Variants in TMEM143 observed in about 807,000 individuals in gnomAD.
TMEM143 encodes the protein transmembrane protein 143.
TMEM143 carries 45 observed loss-of-function variants against 40.3 expected under a neutral mutation model. The ratio of observed to expected loss-of-function variants is 1.12; its 90% CI spans 0.88 to 1.43. The LOEUF (loss-of-function observed/expected upper bound fraction) is 1.43, where lower values mean the gene tolerates loss of function less well. Ranked by LOEUF, TMEM143 falls within the 40% of genes most tolerant of loss-of-function variation. The pLI, the probability that TMEM143 is intolerant of heterozygous loss-of-function variation, is 0.00. For missense variants in TMEM143, 620 were observed against 613.4 expected (o/e 1.01, Z -0.11); for synonymous variants, 299 against 282.7 (o/e 1.06, Z -0.58).
At chr19:48,358,511 C>G (rs1258314144) in intron 3 of TMEM143, among the ~76,000 whole-genome samples, 1 of 152,132 alleles carries the variant, frequency 6.6e-6, no homozygotes, top group East Asian at 1.9e-4. Context: ...CGGTCTCCCC[C>G]ATCCCAGTAA....
intron 2 of TMEM143, among the ~76,000 whole-genome samples, chr19:48,362,338 G>A (rs1970060718): frequency 6.6e-6 from 1 of 152,012 alleles, no homozygotes; most frequent in Non-Finnish European, 1.5e-5. Context: ...CCAGGAGTTC[G>A]AGACCAGCCT....
intron 3 of TMEM143, among the ~76,000 whole-genome samples, chr19:48,346,816 G>A (rs1011198078): frequency 1.3e-5 from 2 of 152,064 alleles, no homozygotes; most frequent in Admixed American, 6.6e-5. Context: ...GACCTCAAGC[G>A]ATCCCCCCAC....
intron 5 of TMEM143, 34 bp from the exon 6 acceptor site, chr19:48,342,843 G>A (rs761932730): frequency 1.5e-5 from 23 of 1,563,894 alleles, no homozygotes; most frequent in African/African-American, 2.7e-5. Flanking sequence ...GAGCAGGATC[G>A]GGACTGCACT....
chr19:48,342,990 C>T (rs573621067), intron 5 of TMEM143, 181 bp from the exon 6 acceptor site: 653 of 765,118 alleles, frequency 8.5e-4, no homozygotes, highest in East Asian at 5.8e-3. Flanking sequence ...GGTTCAATCG[C>T]GCCATCGATC....
intron 6 of TMEM143, among the ~76,000 whole-genome samples, chr19:48,334,412 TTCTC>T (rs977142026): frequency 1.7e-4 from 19 of 110,846 alleles, no homozygotes; most frequent in African/African-American, 2.8e-4. Flanking sequence ...TTCTTTCTTT[TTCTC>T]TCTTTCTTTC....
rs1225447619 is a variant in TMEM143 at position 48,334,622 on chromosome 19, C to T, written c.976-425G>A. On this transcript the variant is annotated intron_variant, in intron 6 of 7. Transcript: ENST00000293261. ...TTTTCGACAGGGTCTCGCCCTGTAG[C>T]CCAGTCTGGAGTTCAGTGGCTATTC... is the stretch of plus-strand genomic sequence containing the variant. Among the ~76,000 whole-genome samples the T allele has an allele frequency of 2.7e-5, 4 of 146,084 alleles. No individual in the cohort carries two copies. In the Admixed American group the frequency reaches 2.8e-4, roughly 10 times the overall value.
chr19:48,363,438 C>G lies in TMEM143; in HGVS notation c.117G>C (p.Gly39=). ...RVWPLLPALL[G]PPRALSSLAA... ...CCAGCGATGAGAGGGCCCGGGGGGG[C>G]CCGAGGAGCGCGGGCAACAGTGGCC... Residue 39 remains glycine, a synonymous_variant, in exon 2 of 8, where the codon GGG becomes GGC. Coordinates refer to ENST00000293261, the MANE Select transcript of TMEM143 (RefSeq NM_018273.4). 6.2e-7 allele frequency: 1 copy of G among 1,613,990 alleles called. No homozygotes were observed. Among genetic ancestry groups the G allele is most frequent in the Non-Finnish European group, 8.5e-7 (1 of 1,180,002 alleles).
intron 4 of TMEM143, 121 bp downstream of exon 4, chr19:48,345,039 G>A (rs1179669744): frequency 1.9e-6 from 2 of 1,053,488 alleles, no homozygotes; most frequent in Admixed American, 2.9e-5. Flanking sequence ...TTCACCAAGT[G>A]CGCCATATGG....
intron 3 of TMEM143, among the ~76,000 whole-genome samples, chr19:48,357,470 C>T (rs190648417): frequency 2.6e-4 from 40 of 151,052 alleles, no homozygotes; most frequent in Non-Finnish European, 4.0e-4. Flanking sequence ...TCTCCTGCCT[C>T]AGCCTCCCGA....
chr19:48,336,964 T>C (rs1969384311), intron 6 of TMEM143, among the ~76,000 whole-genome samples: 1 of 149,690 alleles, frequency 6.7e-6, no homozygotes. Context: ...GAGCTTGCAG[T>C]GAGCTGAGAT....
At position 48,334,140 on chromosome 19, in the gene TMEM143, G is replaced by T; in HGVS notation, c.1033C>A (p.Arg345Ser). 2.5e-6 allele frequency: 4 copies of T among 1,608,596 alleles called. No individual in the cohort carries two copies. The highest frequency in any genetic ancestry group is 3.4e-6 in the Non-Finnish European group (4 of 1,178,062). The change falls in exon 7 of 8, where the codon CGC (arginine) becomes AGC (serine). Residue 345 changes from arginine to serine, a missense_variant. Coordinates refer to ENST00000293261, the MANE Select transcript of TMEM143 (RefSeq NM_018273.4). The stretch of plus-strand genomic sequence containing the variant: ...AGCTCCGAGTTGTTGGACGTACTGC[G>T]ATAGTACAGCATGTGCGCCAGCTCC... Reference protein sequence around the residue: ...ALELAHMLYYRSTSNNSELLS... With the variant: ...ALELAHMLYYSSTSNNSELLS...
At chr19:48,351,489 T>C (rs891156672) in intron 3 of TMEM143, among the ~76,000 whole-genome samples, 18 of 152,158 alleles carry the variant, frequency 1.2e-4, no homozygotes, top group Non-Finnish European at 1.5e-4. Flanking sequence ...TTCCAGTCTT[T>C]GCTTAGAACA....
At position 48,332,914 on chromosome 19, in the gene TMEM143, A is replaced by G; in HGVS notation, c.*305T>C. ...CCAGAGCTGAGCAGCTGTGATTGGC[A>G]GACACCCTCAGCTCCTCAGCCAAAC... is the stretch of plus-strand genomic sequence containing the variant. On this transcript the variant is annotated 3_prime_UTR_variant, in exon 8 of 8. Transcript: ENST00000293261. The G allele has an allele frequency of 4.2e-6, 1 of 240,554 alleles. No individual in the cohort carries two copies. 14.9% of individuals were successfully genotyped at this position (240,554 alleles called of 1,614,324 possible).
chr19:48,359,260 C>G (rs1438732277), intron 3 of TMEM143, among the ~76,000 whole-genome samples: 4 of 152,192 alleles, frequency 2.6e-5, no homozygotes, highest in Admixed American at 1.3e-4. Context: ...CCCCTCTGCC[C>G]TCATATCCCA....
At chr19:48,347,855 CT>C (rs35957020) in intron 3 of TMEM143, among the ~76,000 whole-genome samples, 52 of 71,288 alleles carry the variant, frequency 7.3e-4, no homozygotes, top group East Asian at 6.4e-4. Context: ...CGCATCTGGT[CT>C]TTTTTTTTTT....
intron 6 of TMEM143, among the ~76,000 whole-genome samples, chr19:48,340,883 A>G (rs1019622485): frequency 2.6e-5 from 4 of 152,194 alleles, no homozygotes; most frequent in South Asian, 4.1e-4. Flanking sequence ...CGCCAGGCTG[A>G]GCTCGTGGGC....
chr19:48,347,554 CTTTTTTTT>C (rs1309165553), intron 3 of TMEM143, among the ~76,000 whole-genome samples: 3 of 128,458 alleles, frequency 2.3e-5, no homozygotes, highest in South Asian at 2.6e-4. Flanking sequence ...CTCTACAAAA[CTTTTTTTT>C]TTTTTTTTTT....
chr19:48,359,467 C>T (rs891292768), intron 3 of TMEM143, among the ~76,000 whole-genome samples: 1 of 151,692 alleles, frequency 6.6e-6, no homozygotes, highest in Non-Finnish European at 1.5e-5. Context: ...GAGCCCTTCC[C>T]CACCCACCCC....
intron 3 of TMEM143, among the ~76,000 whole-genome samples, chr19:48,349,997 A>ATTTT (rs71181679): frequency 1.8e-4 from 20 of 109,008 alleles, no homozygotes; most frequent in Non-Finnish European, 2.1e-4. Flanking sequence ...TCTACATTTA[A>ATTTT]TTTTTTTTTT....
Sources: allele counts gnomAD v4.1 joint callset (sites outside exome capture counted in the v4.1 genomes callset), GRCh38; gene constraint gnomAD v4.1.1; transcripts MANE v1.5; gene names NCBI Gene and HGNC (gene_info 2026-07-23, HGNC 2026-07-21).